The following PCDHGA4 variants were observed in gnomAD, a reference collection of about 807,000 sequenced individuals.
The protein encoded by PCDHGA4 is protocadherin gamma subfamily A, 4.
Under a neutral mutation model 54.6 loss-of-function variants are expected in PCDHGA4, and 38 were observed. The ratio of observed to expected loss-of-function variants is 0.70; its 90% CI spans 0.54 to 0.91. The LOEUF (loss-of-function observed/expected upper bound fraction) is 0.91, where lower values mean the gene tolerates loss of function less well. PCDHGA4 is among the 40% of genes least tolerant of loss of function. The pLI is 0.00. For synonymous variants in PCDHGA4, 511 were observed against 512.9 expected, an observed-to-expected ratio of 1.00 and a Z score of 0.05; for missense variants, 1,298 against 1,220.9, an observed-to-expected ratio of 1.06 and a Z score of -0.94.
intron 1 of PCDHGA4, chr5:141,478,160 G>GC (rs764598056): frequency 3.7e-6 from 6 of 1,613,948 alleles, no homozygotes. Flanking sequence ...CTCTGGCTCT[G>GC]CCCCCCGGGA....
rs140199351 is a variant in PCDHGA4, at chr5:141,465,921, G to C, written c.2515-28886G>C. Among the ~76,000 whole-genome samples, 1,515 of 152,146 alleles carry C rather than the reference G, an allele frequency of 1.0e-2. 24 individuals carry two copies. The highest frequency in any genetic ancestry group is 0.034 in the African/African-American group (1,400 of 41,520). On this transcript the variant is annotated intron_variant, in intron 1 of 3. Transcript: ENST00000571252. ...GCAAATCACGAGGTCAGGATTTCGA[G>C]TCCATCCTGGCTAACATGGTGAAAC...
intron 2 of PCDHGA4, among the ~76,000 whole-genome samples, chr5:141,503,688 T>A (rs2099828724): frequency 6.6e-6 from 1 of 152,042 alleles, no homozygotes; most frequent in African/African-American, 2.4e-5. Context: ...GGAAGGAGAA[T>A]TGAGATTCCT....
intron 1 of PCDHGA4, among the ~76,000 whole-genome samples, chr5:141,452,103 TTTCTC>T (rs1428635203): frequency 1.3e-5 from 2 of 152,186 alleles, no homozygotes; most frequent in African/African-American, 4.8e-5. Context: ...AGAGCTTTCT[TTTCTC>T]TTCTTATTTA....
At chr5:141,422,209 C>G (rs1463323983) in intron 1 of PCDHGA4, 1 of 1,561,666 alleles carries the variant, frequency 6.4e-7, no homozygotes, top group East Asian at 2.2e-5. Context: ...TGGTGGAGGT[C>G]TCTTTACCAC....
chr5:141,478,736 T>C (rs2099474016), intron 1 of PCDHGA4: 1 of 1,534,678 alleles, frequency 6.5e-7, no homozygotes, highest in African/African-American at 1.4e-5. Flanking sequence ...GTGTGGTTTG[T>C]GGTCCCATTT....
chr5:141,357,454 A>T lies in PCDHGA4; in HGVS notation c.2347A>T (p.Thr783Ser). ...GVDGVRAFLQ[T>S]YSHEVSLTAD... is the part of the protein sequence containing the mutation. ...GGACGGGGTTCGGGCTTTCCTGCAG[A>T]CCTATTCCCACGAGGTCTCCCTCAC... Residue 783 changes from threonine to serine, a missense_variant, in exon 1 of 4, where the codon ACC (threonine) becomes TCC (serine). By Grantham distance (58) the Thr-to-Ser change is moderately conservative (BLOSUM62 1). Coordinates refer to ENST00000571252, the MANE Select transcript of PCDHGA4 (RefSeq NM_018917.4). The T allele has an allele frequency of 6.2e-7, 1 of 1,614,090 alleles. No individual in the cohort carries two copies. The highest frequency in any genetic ancestry group is 8.5e-7 in the Non-Finnish European group (1 of 1,180,044).
At chr5:141,395,076 C>A (rs1384743817) in intron 1 of PCDHGA4, 1 of 1,614,142 alleles carries the variant, frequency 6.2e-7, no homozygotes, top group Admixed American at 1.7e-5. Context: ...GACCTATTCC[C>A]AGGAAGTCTC....
At chr5:141,499,013 GA>G (rs2099788463) in intron 2 of PCDHGA4, among the ~76,000 whole-genome samples, 1 of 144,746 alleles carries the variant, frequency 6.9e-6, no homozygotes, top group Non-Finnish European at 1.5e-5. Context: ...AGGAAGGAAG[GA>G]AGGAAGGAAG....
Position 141,356,283 on chromosome 5 carries a change from C to T in PCDHGA4, c.1176C>T (p.Ser392=). 2 of 1,557,262 alleles carry T rather than the reference C, an allele frequency of 1.3e-6. No homozygotes were observed. The highest frequency in any genetic ancestry group is 1.7e-6 in the Non-Finnish European group (2 of 1,149,954). Residue 392 remains serine, a synonymous_variant, in exon 1 of 4, where the codon TCC becomes TCT. Transcript: ENST00000571252. ...CCAGCTCAGTCCAGGAATCTTCTTC[C>T]CCGGGTACAGTAATTGCACTTTTCA... ...SLTSSVQESS[S]PGTVIALFNV...
intron 1 of PCDHGA4, chr5:141,371,833 A>G (rs1171503468): frequency 1.2e-6 from 2 of 1,613,634 alleles, no homozygotes; most frequent in African/African-American, 2.7e-5. Flanking sequence ...TCGGATCCCG[A>G]CTTGGGACCT....
At chr5:141,414,870 G>T in intron 1 of PCDHGA4, 1 of 1,614,224 alleles carries the variant, frequency 6.2e-7, no homozygotes, top group Non-Finnish European at 8.5e-7. Flanking sequence ...ATGCGCCCGA[G>T]ATCCTGTACC....
chr5:141,499,191 C>A (rs920773306), intron 2 of PCDHGA4, among the ~76,000 whole-genome samples: 1 of 152,116 alleles, frequency 6.6e-6, no homozygotes, highest in Non-Finnish European at 1.5e-5. Context: ...ACCATTTCCC[C>A]CTTCTTAGGC....
chr5:141,511,082 C>T lies in PCDHGA4; in HGVS notation c.2798C>T (p.Thr933Ile). Residue 933 changes from threonine to isoleucine, a missense_variant, in exon 4 of 4, where the codon ACA (threonine) becomes ATA (isoleucine). By Grantham distance (89) the Thr-to-Ile change is moderately conservative. Transcript: ENST00000571252. ...QNVYIPGSNA[T>I]LTNAAGKRDG... ...GTCTACATCCCAGGCAGCAATGCCA[C>T]ACTGACCAACGCAGCTGGCAAGCGG... 1 of 1,614,224 alleles carries T rather than the reference C, an allele frequency of 6.2e-7. No individual in the cohort carries two copies. Among genetic ancestry groups the T allele is most frequent in the Non-Finnish European group, 8.5e-7 (1 of 1,180,028 alleles).
At chr5:141,372,134 C>T (rs376964998) in intron 1 of PCDHGA4, 3 of 1,613,696 alleles carry the variant, frequency 1.9e-6, no homozygotes, top group Non-Finnish European at 2.5e-6. Context: ...TGGTGCCGCG[C>T]TCTGCAGAGC....
At chr5:141,423,695 G>T in intron 1 of PCDHGA4, 1 of 1,338,020 alleles carries the variant, frequency 7.5e-7, no homozygotes, top group Non-Finnish European at 9.7e-7. Context: ...AATTGTTGGT[G>T]TCTTGGCACA....
rs766050828 is a variant in PCDHGA4, at chr5:141,394,215, G to A, written c.2514+36594G>A. The A allele has an allele frequency of 1.9e-6, 3 of 1,613,902 alleles. No individual in the cohort carries two copies. The South Asian group carries it at 3.3e-5, about 18-fold the overall frequency. ...GTATATCCTAGAGAACAACCTGAGA[G>A]GAGCCTCCATCTTTTCCTTGACTGC... is the stretch of plus-strand genomic sequence containing the variant. On this transcript the variant is annotated intron_variant, in intron 1 of 3. Transcript: ENST00000571252.
intron 1 of PCDHGA4, chr5:141,372,520 T>G (rs371229591): frequency 3.7e-6 from 6 of 1,613,950 alleles, no homozygotes; most frequent in Non-Finnish European, 5.1e-6. Flanking sequence ...GCGGTGATTC[T>G]GGCAATCTCC....
chr5:141,361,227 A>G, intron 1 of PCDHGA4: 2 of 1,614,022 alleles, frequency 1.2e-6, no homozygotes, highest in South Asian at 2.2e-5. Flanking sequence ...CACCAGGAAC[A>G]GTGATCGCCT....
At chr5:141,478,712 G>T in intron 1 of PCDHGA4, 1 of 1,547,046 alleles carries the variant, frequency 6.5e-7, no homozygotes, top group Non-Finnish European at 8.7e-7. Flanking sequence ...TTTGTGAGAT[G>T]GTGGCCTGCC....
Sources: allele counts gnomAD v4.1 joint callset (sites outside exome capture counted in the v4.1 genomes callset), GRCh38; gene constraint gnomAD v4.1.1; transcripts MANE v1.5; gene names NCBI Gene and HGNC (gene_info 2026-07-23, HGNC 2026-07-21).